CIT: variants seen among roughly 807,000 people sequenced by gnomAD.
CIT encodes citron rho-interacting serine/threonine kinase, also known as citron Rho-interacting kinase.
Under a neutral mutation model 272.7 loss-of-function variants are expected in CIT, and 79 were observed. The ratio of observed to expected loss-of-function variants is 0.29; its 90% confidence interval spans 0.24 to 0.35. The LOEUF (loss-of-function observed/expected upper bound fraction) is 0.35. CIT is among the 10% of genes least tolerant of loss of function. The pLI is 1.00. For missense variants in CIT, 1,909 were observed against 2,618.3 expected (o/e 0.73, Z 5.91); for synonymous variants, 948 against 995.6 (o/e 0.95, Z 0.90).
At chr12:119,845,113 C>CT (rs1969700141) in intron 5 of CIT, among the ~76,000 whole-genome samples, 1 of 151,404 alleles carries the variant, frequency 6.6e-6, no homozygotes, top group African/African-American at 2.4e-5. Flanking sequence ...GAGCGAGACT[C>CT]TATCTCAAAA....
In CIT at chr12:119,697,493, T is replaced by TA. The variant is rs2136955646; in HGVS notation, c.5882+165dup. ...TATTTTCTAATTCTCCTGATGCTCA[T>TA]AATGGTCTGTGTTATTTCAGTGCCG... On this transcript the variant is annotated intron_variant, in intron 46 of 47. Coordinates refer to ENST00000392521, the MANE Select transcript of CIT (RefSeq NM_001206999.2). This position sits in a 1 kb window ranked among gnomAD's most constrained non-coding sequence, Gnocchi z 4.9. Among the ~76,000 whole-genome samples the TA allele has an allele frequency of 6.6e-6, 1 of 152,332 alleles. No homozygotes were observed. Among genetic ancestry groups the TA allele is most frequent in the African/African-American group, 2.4e-5 (1 of 41,574 alleles).
chr12:119,845,621 C>T (rs1274511750), intron 5 of CIT, among the ~76,000 whole-genome samples: 1 of 146,632 alleles, frequency 6.8e-6, no homozygotes, highest in Non-Finnish European at 1.5e-5. Context: ...CCACTGCACT[C>T]CAGCCTGGGC....
intron 46 of CIT, among the ~76,000 whole-genome samples, chr12:119,696,500 T>C (rs1485737533): frequency 2.0e-5 from 3 of 152,140 alleles, no homozygotes; most frequent in East Asian, 1.9e-4. Flanking sequence ...CAGAGGTCCT[T>C]ACTCTGAAAT....
intron 8 of CIT, among the ~76,000 whole-genome samples, chr12:119,824,108 G>A (rs1300149092): frequency 2.4e-5 from 3 of 125,514 alleles, no homozygotes; most frequent in African/African-American, 8.7e-5. Flanking sequence ...TAGTTTTACT[G>A]TATATATATA....
rs1248661490 is a variant in CIT at position 119,713,496 on chromosome 12, G to C, written c.4459C>G (p.His1487Asp). Residue 1487 changes from histidine (H) to aspartate (D), a missense_variant, in exon 34 of 48, where the codon CAC becomes GAC. Coordinates refer to ENST00000392521, the MANE Select transcript of CIT (RefSeq NM_001206999.2). The surrounding 1 kb of genome is among the most constrained non-coding windows in gnomAD (Gnocchi z 5.2). ...GGCACCTTCATCCACCCTTCCAGGTGCAAGCTGCTGCTGGGCTCCTTGGTC... is the reference window on the plus strand; with the variant it reads ...GGCACCTTCATCCACCCTTCCAGGTCCAAGCTGCTGCTGGGCTCCTTGGTC... ...LQTKEPSSSL[H>D]LEGWMKVPRN... 1.2e-6 allele frequency: 2 copies of C among 1,614,106 alleles called. No individual in the cohort carries two copies. The highest frequency in any genetic ancestry group is 2.7e-5 in the African/African-American group (2 of 74,930).
chr12:119,801,535 C>T (rs554957934), intron 10 of CIT, among the ~76,000 whole-genome samples: 2 of 152,216 alleles, frequency 1.3e-5, no homozygotes, highest in African/African-American at 4.8e-5. Context: ...CTGACCAACA[C>T]CCAAGCAAGC....
intron 9 of CIT, among the ~76,000 whole-genome samples, chr12:119,810,707 A>C (rs1453660340): frequency 8.2e-5 from 1 of 12,202 alleles, no homozygotes; most frequent in Non-Finnish European, 1.3e-4. Flanking sequence ...ATCATCTCAG[A>C]AAAAAAAAAA....
intron 39 of CIT, among the ~76,000 whole-genome samples, chr12:119,709,955 G>A (rs561001631): frequency 6.6e-6 from 1 of 152,248 alleles, no homozygotes; most frequent in East Asian, 1.9e-4. Context: ...TGGTTTCGTT[G>A]CAATCAGGAC....
At chr12:119,818,056 A>G (rs1235629046) in intron 9 of CIT, among the ~76,000 whole-genome samples, 1 of 152,248 alleles carries the variant, frequency 6.6e-6, no homozygotes, top group Non-Finnish European at 1.5e-5. Flanking sequence ...GCAAAGGCAT[A>G]TATAGTATTG....
intron 21 of CIT, among the ~76,000 whole-genome samples, chr12:119,757,812 A>G (rs1397219042): frequency 1.3e-5 from 2 of 152,122 alleles, no homozygotes; most frequent in African/African-American, 4.8e-5. Flanking sequence ...AGATACTAAC[A>G]TTTCACTCCT....
chr12:119,857,488 G>T, intron 4 of CIT, 35 bp downstream of exon 4: 1 of 1,609,704 alleles, frequency 6.2e-7, no homozygotes, highest in South Asian at 1.1e-5. Flanking sequence ...CTCCGGTACA[G>T]AAAGTGGAAA....
intron 21 of CIT, 59 bp downstream of exon 21, chr12:119,758,532 G>T: frequency 9.4e-7 from 1 of 1,058,868 alleles, no homozygotes; most frequent in Non-Finnish European, 1.5e-6. Flanking sequence ...GGGAGTTTAT[G>T]CCACAGGAGA....
In CIT at chr12:119,724,214, C is replaced by G. The variant is rs772787477; in HGVS notation, c.3592-2765G>C. ...TCACAGAGATAATAAAACTAGTTAT[C>G]TCCCAGGAACATTGCAAGGACTGTA... On this transcript the variant is annotated intron_variant, in intron 28 of 47. Coordinates refer to ENST00000392521, the MANE Select transcript of CIT (RefSeq NM_001206999.2). 6.6e-5 allele frequency among the ~76,000 whole-genome samples: 10 copies of G among 152,126 alleles called. 1 individual carries two copies. The highest frequency in any genetic ancestry group is 2.6e-4 in the Admixed American group (4 of 15,262).
intron 3 of CIT, among the ~76,000 whole-genome samples, chr12:119,860,279 G>A (rs1031701010): frequency 3.3e-5 from 5 of 152,068 alleles, no homozygotes; most frequent in Non-Finnish European, 4.4e-5. Context: ...ACCTTCCCTT[G>A]GTCCCTTGGG....
At position 119,787,378 on chromosome 12, in the gene CIT, C is replaced by CTA. The variant is rs545194688; in HGVS notation, c.1296-2315_1296-2314dup. Among the ~76,000 whole-genome samples the CTA allele has an allele frequency of 7.0e-4, 107 of 151,850 alleles. 1 individual carries two copies. The South Asian group carries it at 0.022, about 31-fold the overall frequency. On this transcript the variant is annotated intron_variant, in intron 10 of 47. Coordinates refer to ENST00000392521, the MANE Select transcript of CIT (RefSeq NM_001206999.2). ...CCCAGGAGTTCAAGGCTACAGTGAG[C>CTA]TACGATTGTACCACTGCACTCCAGT...
chr12:119,814,557 C>T (rs1369547531), intron 9 of CIT, among the ~76,000 whole-genome samples: 1 of 152,150 alleles, frequency 6.6e-6, no homozygotes, highest in African/African-American at 2.4e-5. Context: ...TTCCTCCTGC[C>T]CCTGAAGTAA....
chr12:119,756,471 G>T (rs1960997570), intron 22 of CIT, among the ~76,000 whole-genome samples: 1 of 152,222 alleles, frequency 6.6e-6, no homozygotes, highest in Admixed American at 6.5e-5. Context: ...CTAATTACAG[G>T]CTGAGGCGAA....
At chr12:119,747,752 T>C (rs1206933576) in intron 23 of CIT, among the ~76,000 whole-genome samples, 1 of 152,160 alleles carries the variant, frequency 6.6e-6, no homozygotes, top group African/African-American at 2.4e-5. Flanking sequence ...TTAAGACAGA[T>C]ATTTTTCAAA....
chr12:119,865,860 A>C (rs543230730), intron 3 of CIT, among the ~76,000 whole-genome samples: 3 of 88,610 alleles, frequency 3.4e-5, no homozygotes, highest in Admixed American at 2.5e-4. Context: ...ACAGAGCAAG[A>C]CTCCAAAAAA....
Sources: allele counts gnomAD v4.1 joint callset (sites outside exome capture counted in the v4.1 genomes callset), GRCh38; gene constraint gnomAD v4.1.1; non-coding constraint Gnocchi (gnomAD v3.1); transcripts MANE v1.5; gene names NCBI Gene and HGNC (gene_info 2026-07-23, HGNC 2026-07-21).